Variants in GSDME observed in about 807,000 individuals in gnomAD.
The protein encoded by GSDME is gasdermin E, also known as gasdermin-E.
A neutral mutation model predicts 47.5 loss-of-function variants in GSDME; 44 were observed. That is an observed-to-expected ratio of 0.93 (90% confidence interval 0.73 to 1.19). The LOEUF (loss-of-function observed/expected upper bound fraction) is 1.19, where lower values mean the gene tolerates loss of function less well. Among genes scored for constraint, GSDME ranks in the 50% most tolerant of loss-of-function variants. The probability of loss-of-function intolerance (pLI) is 0.00; values close to 1 mark genes in which losing one functional copy is unlikely to be tolerated. For missense variants in GSDME, 663 were observed against 604.2 expected, an observed-to-expected ratio of 1.10 and a Z score of -1.02; for synonymous variants, 258 against 252.8, an observed-to-expected ratio of 1.02 and a Z score of -0.20.
At chr7:24,784,606 C>T in the GSDME span, among the ~76,000 whole-genome samples, 1 of 151,434 alleles carries the variant, frequency 6.6e-6, no homozygotes, top group Non-Finnish European at 1.5e-5. Context: ...ACCTTCTTCC[C>T]CCTGCTTTTT....
the GSDME span, among the ~76,000 whole-genome samples, chr7:24,787,005 C>A: frequency 2.6e-5 from 4 of 152,052 alleles, no homozygotes; most frequent in African/African-American, 9.7e-5. The surrounding 1 kb of genome is among the most constrained non-coding windows in gnomAD (Gnocchi z 5.0). Flanking sequence ...ATCTGTGGCA[C>A]TGGAAAGAGG....
At chr7:24,780,708 A>G in the GSDME span, among the ~76,000 whole-genome samples, 1 of 152,176 alleles carries the variant, frequency 6.6e-6, no homozygotes, top group African/African-American at 2.4e-5. This position sits in a 1 kb window ranked among gnomAD's most constrained non-coding sequence, Gnocchi z 4.1. Flanking sequence ...CCCTCTCTCA[A>G]TGCAGTATAA....
chr7:24,720,035 C>G (rs1421126434), intron 3 of GSDME, among the ~76,000 whole-genome samples: 1 of 152,130 alleles, frequency 6.6e-6, no homozygotes, highest in Non-Finnish European at 1.5e-5. Flanking sequence ...TAAGAGGAAA[C>G]TTCTTAACCT....
intron 3 of GSDME, among the ~76,000 whole-genome samples, chr7:24,741,861 G>A (rs573557057): frequency 5.3e-4 from 80 of 152,306 alleles, no homozygotes; most frequent in Middle Eastern, 3.4e-3. Flanking sequence ...TCCATGCCAA[G>A]AGCAGAAGTC....
chr7:24,718,835 C>T (rs545759513), intron 4 of GSDME, among the ~76,000 whole-genome samples: 16 of 152,274 alleles, frequency 1.1e-4, no homozygotes, highest in African/African-American at 3.9e-4. Flanking sequence ...ATCCTCAAGG[C>T]CTGGATCCAG....
At chr7:24,771,564 C>CT in the GSDME span, among the ~76,000 whole-genome samples, 2 of 152,168 alleles carry the variant, frequency 1.3e-5, no homozygotes, top group Admixed American at 1.3e-4. This position sits in a 1 kb window ranked among gnomAD's most constrained non-coding sequence, Gnocchi z 4.1. Flanking sequence ...CACTTACTGG[C>CT]TGTGTGACCT....
intron 9 of GSDME, among the ~76,000 whole-genome samples, chr7:24,701,268 C>G (rs988683907): frequency 1.3e-5 from 2 of 152,308 alleles, no homozygotes; most frequent in Middle Eastern, 3.4e-3. Context: ...AAGGTCTTTA[C>G]AGAAAAAGGA....
intron 1 of GSDME, among the ~76,000 whole-genome samples, chr7:24,751,710 G>T (rs1790865721): frequency 6.6e-6 from 1 of 152,184 alleles, no homozygotes; most frequent in Non-Finnish European, 1.5e-5. Context: ...CTGTCACTAT[G>T]CTATGCATAA....
intron 3 of GSDME, among the ~76,000 whole-genome samples, chr7:24,743,634 C>T (rs1302754649): frequency 6.6e-6 from 1 of 152,182 alleles, no homozygotes; most frequent in Non-Finnish European, 1.5e-5. Flanking sequence ...TGGCGCCCCA[C>T]CCCTTTCAGC....
chr7:24,734,565 G>C (rs1380911645), intron 3 of GSDME, among the ~76,000 whole-genome samples: 1 of 152,178 alleles, frequency 6.6e-6, no homozygotes, highest in Non-Finnish European at 1.5e-5. Flanking sequence ...GAAGGAATTT[G>C]GCATTCCTTC....
the GSDME span, among the ~76,000 whole-genome samples, chr7:24,792,806 T>G: frequency 1.3e-5 from 2 of 152,092 alleles, no homozygotes; most frequent in East Asian, 3.9e-4. Context: ...CAAGTTTTTC[T>G]TTTTTCCACC....
At chr7:24,734,716 G>C (rs1200933249) in intron 3 of GSDME, among the ~76,000 whole-genome samples, 1 of 152,146 alleles carries the variant, frequency 6.6e-6, no homozygotes, top group Non-Finnish European at 1.5e-5. Context: ...TAATTTGTGA[G>C]CTTGAAGATA....
At chr7:24,700,893 CTTTCT>C (rs1374688049) in intron 9 of GSDME, among the ~76,000 whole-genome samples, 1 of 152,196 alleles carries the variant, frequency 6.6e-6, no homozygotes, top group African/African-American at 2.4e-5. Context: ...CAGCATTCGG[CTTTCT>C]TTTCTAAATA....
At chr7:24,758,359 C>T (rs1416883435), upstream of GSDME, among the ~76,000 whole-genome samples, 10 of 152,212 alleles carry the variant, frequency 6.6e-5, no homozygotes, top group Admixed American at 5.9e-4. The surrounding 1 kb of genome is among the most constrained non-coding windows in gnomAD (Gnocchi z 4.6). Context: ...TAAGCTTTGC[C>T]TCTTGTCTCC....
In GSDME at chr7:24,712,624, CAGG is replaced by C. The variant is rs1434426369; in HGVS notation, c.698-2239_698-2237del. Reference sequence around the variant, plus strand: ...GGTAAGAGTGGGGACAGCGGTTGAACAGGGCTGAGGCCAGAGTGACCAGCGGGT... The same window carrying C: ...GGTAAGAGTGGGGACAGCGGTTGAACGCTGAGGCCAGAGTGACCAGCGGGT... On this transcript the variant is annotated intron_variant, in intron 5 of 9. Transcript: ENST00000645220. This position sits in a 1 kb window ranked among gnomAD's most constrained non-coding sequence, Gnocchi z 4.4. Among the ~76,000 whole-genome samples, 2 of 152,162 alleles carry C rather than the reference CAGG, an allele frequency of 1.3e-5. No individual in the cohort carries two copies. Among genetic ancestry groups the C allele is most frequent in the African/African-American group, 4.8e-5 (2 of 41,440 alleles).
rs1436394462 is a variant in GSDME at position 24,699,006 on chromosome 7, C to G, written c.*20G>C. 1.3e-6 allele frequency: 2 copies of G among 1,544,892 alleles called. No homozygotes were observed. The highest frequency in any genetic ancestry group is 1.8e-6 in the Non-Finnish European group (2 of 1,118,434). On this transcript the variant is annotated 3_prime_UTR_variant, in exon 10 of 10. Coordinates refer to ENST00000645220, the MANE Select transcript of GSDME (RefSeq NM_001127453.2). ...AAATAGCCTTGGCCAGTAACACGTA[C>G]TTCTAGTTCACATATGACATCATGA... is the stretch of plus-strand genomic sequence containing the variant.
the GSDME span, among the ~76,000 whole-genome samples, chr7:24,768,936 C>T: frequency 6.6e-6 from 1 of 152,196 alleles, no homozygotes; most frequent in African/African-American, 2.4e-5. This position sits in a 1 kb window ranked among gnomAD's most constrained non-coding sequence, Gnocchi z 5.6. Context: ...TGGCACTGTC[C>T]TAGGCACTGG....
At position 24,744,425 on chromosome 7, in the gene GSDME, T is replaced by C; in HGVS notation, c.404+137A>G. 9.9e-7 allele frequency: 1 copy of C among 1,005,510 alleles called. No homozygotes were observed. The highest frequency in any genetic ancestry group is 1.5e-6 in the Non-Finnish European group (1 of 646,310). The allele number at this position is 1,005,510 out of a possible 1,614,324, so 62.3% of individuals were successfully genotyped here. ...ACTAAAGAATGTGCTCCTCATGAAA[T>C]TTCAACACAAGCGCATTCAATACAT... On this transcript the variant is annotated intron_variant, in intron 3 of 9. Coordinates refer to ENST00000645220, the MANE Select transcript of GSDME (RefSeq NM_001127453.2). This position sits in a 1 kb window ranked among gnomAD's most constrained non-coding sequence, Gnocchi z 4.5.
chr7:24,720,869 C>T (rs182069791), intron 3 of GSDME, among the ~76,000 whole-genome samples: 2,773 of 151,412 alleles, frequency 0.018, 93 homozygotes, highest in African/African-American at 0.064. Context: ...ATTGTGCCAC[C>T]GCACTCCAGC....
Sources: gnomAD v4.1 joint callset for allele counts (sites outside exome capture counted in the v4.1 genomes callset) on GRCh38, gnomAD v4.1.1 for gene constraint, Gnocchi (gnomAD v3.1) non-coding constraint, MANE v1.5 for transcripts, NCBI Gene and HGNC (gene_info 2026-07-23, HGNC 2026-07-21) for gene names.